PKP4: variants seen among roughly 807,000 people sequenced by gnomAD.
PKP4 encodes the protein plakophilin 4.
Under a neutral mutation model 145.1 loss-of-function variants are expected in PKP4, and 90 were observed. That is an observed-to-expected ratio of 0.62 (90% CI 0.52 to 0.74). The LOEUF is 0.74. Among genes scored for constraint, PKP4 ranks in the 30% least tolerant of loss-of-function variants. The probability of loss-of-function intolerance (pLI) is 0.00; values close to 1 mark genes in which losing one functional copy is unlikely to be tolerated. For missense variants in PKP4, 1,340 were observed against 1,482.7 expected (o/e 0.90, Z 1.58); for synonymous variants, 563 against 577.2 (o/e 0.98, Z 0.35).
chr2:158,512,852 T>C (rs1156819988), intron 1 of PKP4, among the ~76,000 whole-genome samples: 1 of 152,224 alleles, frequency 6.6e-6, no homozygotes, highest in African/African-American at 2.4e-5. Context: ...CACAAATTTA[T>C]TAATTCATAA....
intron 2 of PKP4, among the ~76,000 whole-genome samples, chr2:158,560,909 C>T (rs2046457788): frequency 6.6e-6 from 1 of 152,112 alleles, no homozygotes; most frequent in Admixed American, 6.6e-5. Context: ...TCCTATAATC[C>T]TTCCATATTT....
chr2:158,547,918 A>T (rs776366349), intron 2 of PKP4, among the ~76,000 whole-genome samples: 1 of 152,242 alleles, frequency 6.6e-6, no homozygotes, highest in Non-Finnish European at 1.5e-5. Flanking sequence ...AAGTCGGCCA[A>T]CAAGGCTCAA....
intron 1 of PKP4, among the ~76,000 whole-genome samples, chr2:158,511,213 C>G (rs1301961270): frequency 6.6e-6 from 1 of 152,128 alleles, no homozygotes; most frequent in African/African-American, 2.4e-5. Flanking sequence ...TGGCAAAACC[C>G]CATATCTACT....
intron 12 of PKP4, 110 bp from the exon 13 acceptor site, chr2:158,661,223 C>CT (rs2056547867): frequency 1.3e-6 from 1 of 752,578 alleles, no homozygotes; most frequent in South Asian, 1.6e-5. Flanking sequence ...CCTCCGACCT[C>CT]TAAGTGGCTG....
chr2:158,473,812 T>C (rs891786447), intron 1 of PKP4, among the ~76,000 whole-genome samples: 2 of 152,210 alleles, frequency 1.3e-5, no homozygotes, highest in African/African-American at 4.8e-5. Context: ...TTAAAATACA[T>C]ATATATCCAT....
rs1243748964 is a variant in PKP4, at chr2:158,621,225, T to C, written c.413-6T>C. On this transcript the variant is annotated splice_region_variant and splice_polypyrimidine_tract_variant and intron_variant, in intron 5 of 21. Transcript: ENST00000389759. ...ATAAAGATATTTCTTGGTTTCATTC[T>C]TACAGGATCATTGGGTAACTCAAGA... 1 of 1,614,076 alleles carries C rather than the reference T, an allele frequency of 6.2e-7. No homozygotes were observed.
At chr2:158,635,994 T>G (rs1285788837) in intron 9 of PKP4, among the ~76,000 whole-genome samples, 4 of 152,144 alleles carry the variant, frequency 2.6e-5, no homozygotes, top group Non-Finnish European at 5.9e-5. Flanking sequence ...CCTGAAAAAT[T>G]CTCTTTAAGA....
At chr2:158,541,197 C>G (rs773931100) in intron 2 of PKP4, among the ~76,000 whole-genome samples, 9 of 152,108 alleles carry the variant, frequency 5.9e-5, no homozygotes, top group Admixed American at 3.9e-4. Flanking sequence ...AAAACATAGC[C>G]TATCCAGTGC....
chr2:158,649,675 C>G (rs569626654), intron 11 of PKP4, among the ~76,000 whole-genome samples: 1 of 152,278 alleles, frequency 6.6e-6, no homozygotes, highest in African/African-American at 2.4e-5. Context: ...CACAAGGAGG[C>G]AGTCAAGTAG....
At chr2:158,602,930 A>G (rs992789843) in intron 3 of PKP4, 140 bp from the exon 4 acceptor site, 1 of 480,126 alleles carries the variant, frequency 2.1e-6, no homozygotes, top group Non-Finnish European at 3.8e-6. Flanking sequence ...TAACTTAGAT[A>G]AGTTTAAATT....
At chr2:158,646,162 G>A (rs890470362) in intron 11 of PKP4, among the ~76,000 whole-genome samples, 15 of 152,186 alleles carry the variant, frequency 9.9e-5, no homozygotes, top group Admixed American at 4.6e-4. Flanking sequence ...TCTGCCGGTA[G>A]CTTTTAGGCT....
intron 12 of PKP4, 117 bp from the exon 13 acceptor site, chr2:158,661,216 C>T: frequency 1.4e-6 from 1 of 701,554 alleles, no homozygotes; most frequent in Non-Finnish European, 2.5e-6. Context: ...AGTGCCTCCT[C>T]CGACCTCTAA....
chr2:158,603,107 A>G lies in PKP4; in HGVS notation c.280+3A>G. On this transcript the variant is annotated splice_donor_region_variant and intron_variant, in intron 4 of 21. Transcript: ENST00000389759. ...GTCATTTCCTTGGAGATCAACAGGT[A>G]TGTTTTTTATTATATAAAAGTTATG... The G allele has an allele frequency of 1.4e-6, 2 of 1,456,860 alleles. No homozygotes were observed. The highest frequency in any genetic ancestry group is 2.9e-5 in the African/African-American group (2 of 70,034). The allele number at this position is 1,456,860 out of a possible 1,614,324, so 90.2% of individuals were successfully genotyped here.
chr2:158,468,275 T>A (rs1305588683), intron 1 of PKP4, among the ~76,000 whole-genome samples: 1 of 152,190 alleles, frequency 6.6e-6, no homozygotes, highest in Non-Finnish European at 1.5e-5. Flanking sequence ...TAAGGTAGAT[T>A]TATAGCTTTG....
intron 3 of PKP4, among the ~76,000 whole-genome samples, chr2:158,579,762 G>A (rs2048172335): frequency 6.6e-6 from 1 of 152,042 alleles, no homozygotes. Context: ...GTATCAACAT[G>A]GACATGTTTG....
intron 1 of PKP4, among the ~76,000 whole-genome samples, chr2:158,511,299 T>C (rs1483961600): frequency 6.6e-6 from 1 of 152,012 alleles, no homozygotes; most frequent in Non-Finnish European, 1.5e-5. Context: ...GGCAGGAGAA[T>C]CACTTGAACC....
In PKP4 at chr2:158,642,559, C is replaced by A. The variant is rs1355242090; in HGVS notation, c.1769C>A (p.Ala590Asp). 1 of 1,613,796 alleles carries A rather than the reference C, an allele frequency of 6.2e-7. No individual in the cohort carries two copies. The highest frequency in any genetic ancestry group is 8.5e-7 in the Non-Finnish European group (1 of 1,179,766). Reference protein sequence around the residue: ...DHRVLEVQKNACGALRNLVFG... With the variant: ...DHRVLEVQKNDCGALRNLVFG... The stretch of plus-strand genomic sequence containing the variant: ...AGAGTTTTGGAAGTTCAGAAGAATG[C>A]TTGTGGTGCCCTTCGAAACCTCGTT... The change falls in exon 11 of 22, where the codon GCT becomes GAT. Residue 590 changes from alanine (A) to aspartate (D), a missense_variant. Physicochemically the swap from Ala to Asp is moderately radical, Grantham distance 126. Coordinates refer to ENST00000389759, the MANE Select transcript of PKP4 (RefSeq NM_003628.6).
intron 4 of PKP4, among the ~76,000 whole-genome samples, chr2:158,618,947 T>C (rs1036212183): frequency 2.0e-5 from 3 of 152,178 alleles, no homozygotes; most frequent in African/African-American, 7.2e-5. Context: ...TCTTTTTCTT[T>C]TCCAAGACAG....
At chr2:158,530,494 CTCTT>C (rs1388939917) in intron 1 of PKP4, among the ~76,000 whole-genome samples, 17 of 129,386 alleles carry the variant, frequency 1.3e-4, no homozygotes, top group African/African-American at 4.3e-4. Context: ...GATAGAAGTA[CTCTT>C]TCTTTCTTTT....
Sources: allele counts gnomAD v4.1 joint callset (sites outside exome capture counted in the v4.1 genomes callset), GRCh38; gene constraint gnomAD v4.1.1; transcripts MANE v1.5; gene names NCBI Gene and HGNC (gene_info 2026-07-23, HGNC 2026-07-21).